The following YME1L1 variants were observed in gnomAD, a reference collection of about 807,000 sequenced individuals.
The protein encoded by YME1L1 is ATP-dependent zinc metalloprotease YME1L1.
Under a neutral mutation model 90.4 loss-of-function variants are expected in YME1L1, and 39 were observed. The ratio of observed to expected loss-of-function variants is 0.43; its 90% CI spans 0.33 to 0.56. The LOEUF is 0.56. Ranked by LOEUF, YME1L1 falls within the 20% of genes least tolerant of loss-of-function variation. The pLI, the probability that YME1L1 is intolerant of heterozygous loss-of-function variation, is 0.03. For synonymous variants in YME1L1, 284 were observed against 287.3 expected (o/e 0.99, Z 0.12); for missense variants, 617 against 868.4 (o/e 0.71, Z 3.64).
intron 3 of YME1L1, among the ~76,000 whole-genome samples, chr10:27,144,076 C>T (rs1256447968): frequency 2.0e-5 from 3 of 152,122 alleles, no homozygotes; most frequent in Non-Finnish European, 4.4e-5. Context: ...CCCTTAGCAT[C>T]CAGTCAAAAA....
chr10:27,126,060 C>T (rs1182929086), intron 9 of YME1L1, among the ~76,000 whole-genome samples: 1 of 152,052 alleles, frequency 6.6e-6, no homozygotes, highest in Non-Finnish European at 1.5e-5. Context: ...TGATTGTTTA[C>T]AATTTACTCT....
At chr10:27,128,996 G>A (rs1355942201) in intron 8 of YME1L1, among the ~76,000 whole-genome samples, 2 of 145,434 alleles carry the variant, frequency 1.4e-5, no homozygotes, top group Non-Finnish European at 1.5e-5. Flanking sequence ...TAAGGCAGGA[G>A]TATCACTTGA....
chr10:27,131,125 T>C (rs2056973436), intron 8 of YME1L1, among the ~76,000 whole-genome samples: 1 of 152,218 alleles, frequency 6.6e-6, no homozygotes, highest in Admixed American at 6.5e-5. Flanking sequence ...AAATGTCACC[T>C]TCTCCATCAA....
rs2056747018 is a variant in YME1L1 at position 27,110,300 on chromosome 10, T to C, written c.*1677A>G. The C allele has an allele frequency of 6.6e-6, 1 of 152,184 alleles. No individual in the cohort carries two copies. Among genetic ancestry groups the C allele is most frequent in the Admixed American group, 6.5e-5 (1 of 15,268 alleles). The allele number at this position is 152,184 out of a possible 1,614,324, so 9.4% of individuals were successfully genotyped here. On this transcript the variant is annotated 3_prime_UTR_variant, in exon 19 of 19. Coordinates refer to ENST00000376016, the MANE Select transcript of YME1L1 (RefSeq NM_014263.4). ...AACTGGTAAATCTGGATGCAGGGTATATGAGACATCCATGTATTATGCTGG... is the reference window on the plus strand; with the variant it reads ...AACTGGTAAATCTGGATGCAGGGTACATGAGACATCCATGTATTATGCTGG...
chr10:27,146,141 A>C (rs1169097756), intron 2 of YME1L1: 1 of 152,238 alleles, frequency 6.6e-6, no homozygotes, highest in Non-Finnish European at 1.5e-5. Context: ...AATTCCATTC[A>C]AATGATAATC....
chr10:27,145,192 CATG>C (rs2057129789), intron 3 of YME1L1, among the ~76,000 whole-genome samples: 2 of 150,742 alleles, frequency 1.3e-5, no homozygotes, highest in African/African-American at 4.9e-5. Flanking sequence ...ACAAATGTAA[CATG>C]ATTATGTAAG....
intron 7 of YME1L1, among the ~76,000 whole-genome samples, chr10:27,133,421 T>G (rs540891277): frequency 6.6e-6 from 1 of 152,162 alleles, no homozygotes; most frequent in Non-Finnish European, 1.5e-5. Context: ...ACTGTTAAGA[T>G]AGGCTGAAAA....
intron 11 of YME1L1, 70 bp from the exon 12 acceptor site, chr10:27,121,518 C>A: frequency 8.8e-7 from 1 of 1,140,894 alleles, no homozygotes; most frequent in Non-Finnish European, 1.3e-6. Context: ...ATGCTCTACA[C>A]AAAACTGGTT....
chr10:27,137,642 C>T (rs888144933), intron 4 of YME1L1, among the ~76,000 whole-genome samples: 13 of 152,098 alleles, frequency 8.5e-5, no homozygotes, highest in Non-Finnish European at 1.6e-4. Flanking sequence ...GCAAGTCTGA[C>T]GGGCAAAAAT....
chr10:27,126,009 A>G (rs11015551), intron 9 of YME1L1, among the ~76,000 whole-genome samples: 1 of 152,196 alleles, frequency 6.6e-6, no homozygotes, highest in African/African-American at 2.4e-5. Context: ...CTGGAGTTAC[A>G]TAGAAGAATA....
At chr10:27,124,973 G>A (rs1375088370) in intron 9 of YME1L1, among the ~76,000 whole-genome samples, 1 of 152,134 alleles carries the variant, frequency 6.6e-6, no homozygotes, top group African/African-American at 2.4e-5. Context: ...ATTAGCTAAA[G>A]TTATCATTAT....
chr10:27,116,400 G>C, intron 15 of YME1L1, 55 bp from the exon 16 acceptor site: 1 of 1,594,374 alleles, frequency 6.3e-7, no homozygotes, highest in Non-Finnish European at 8.5e-7. Flanking sequence ...TGGGTGCGGT[G>C]GCTCACGCCT....
intron 3 of YME1L1, among the ~76,000 whole-genome samples, chr10:27,142,792 C>T (rs751386259): frequency 1.1e-4 from 16 of 152,212 alleles, no homozygotes; most frequent in Non-Finnish European, 1.9e-4. Context: ...CTCGGCTCAC[C>T]GCAAGCTCTG....
intron 9 of YME1L1, among the ~76,000 whole-genome samples, chr10:27,125,192 C>G (rs992743510): frequency 2.0e-5 from 3 of 151,798 alleles, no homozygotes; most frequent in Non-Finnish European, 1.5e-5. Flanking sequence ...TAAGATGAAA[C>G]ACAGCACTAT....
Position 27,122,822 on chromosome 10 carries a change from A to C in YME1L1, c.1235+19T>G. On this transcript the variant is annotated intron_variant, in intron 11 of 18. Transcript: ENST00000376016. ...TGGGAGGCATCACCATATTCTAAGA[A>C]AAAAGAAGACTCAATTACCCATCCA... 1 of 1,612,248 alleles carries C rather than the reference A, an allele frequency of 6.2e-7. No individual in the cohort carries two copies. The highest frequency in any genetic ancestry group is 8.5e-7 in the Non-Finnish European group (1 of 1,179,462).
chr10:27,138,624 C>T (rs1356091668), intron 4 of YME1L1, among the ~76,000 whole-genome samples: 3 of 151,932 alleles, frequency 2.0e-5, no homozygotes, highest in African/African-American at 7.3e-5. Flanking sequence ...TATAAGAAAG[C>T]TATTGATTTT....
chr10:27,127,595 A>T (rs2056933688), intron 8 of YME1L1, among the ~76,000 whole-genome samples: 2 of 152,232 alleles, frequency 1.3e-5, no homozygotes, highest in Non-Finnish European at 2.9e-5. Flanking sequence ...TCTCACAAAC[A>T]TGTTGAATAA....
At chr10:27,136,853 C>A (rs774975271) in intron 4 of YME1L1, among the ~76,000 whole-genome samples, 1 of 151,942 alleles carries the variant, frequency 6.6e-6, no homozygotes, top group Non-Finnish European at 1.5e-5. Flanking sequence ...AGCCTCCTAA[C>A]CTCAGGTGAT....
intron 8 of YME1L1, 128 bp from the exon 9 acceptor site, chr10:27,126,914 TA>T: frequency 5.1e-6 from 3 of 587,418 alleles, no homozygotes; most frequent in African/African-American, 2.0e-5. Flanking sequence ...TCTGTTTCAG[TA>T]AAAAAAGCAT....
Sources: gnomAD v4.1 joint callset for allele counts (sites outside exome capture counted in the v4.1 genomes callset) on GRCh38, gnomAD v4.1.1 for gene constraint, MANE v1.5 for transcripts, NCBI Gene and HGNC (gene_info 2026-07-23, HGNC 2026-07-21) for gene names.